Variants in GNA14 observed in about 807,000 individuals in gnomAD.
GNA14 encodes guanine nucleotide-binding protein subunit alpha-14.
Under a neutral mutation model 42.0 loss-of-function variants are expected in GNA14, and 50 were observed. The ratio of observed to expected loss-of-function variants is 1.19; its 90% CI spans 0.95 to 1.51. The LOEUF is 1.51. Ranked by LOEUF, GNA14 falls within the 40% of genes most tolerant of loss-of-function variation. The pLI is 0.00. For missense variants in GNA14, 473 were observed against 446.2 expected (o/e 1.06, Z -0.54); for synonymous variants, 173 against 163.1 (o/e 1.06, Z -0.46).
At chr9:77,518,762 C>A (rs1286171268) in intron 2 of GNA14, among the ~76,000 whole-genome samples, 1 of 152,170 alleles carries the variant, frequency 6.6e-6, no homozygotes, top group Non-Finnish European at 1.5e-5. Flanking sequence ...CACACAGAAG[C>A]AAATAACTTC....
rs976548758 is a variant in GNA14, at chr9:77,542,732, C to T, written c.125-13479G>A. ...GGTGGCTTGTGCAGGTGGGTGCCAG[C>T]TGTGGTGGTATCAGCAGGTTGGGTG... On this transcript the variant is annotated intron_variant, in intron 1 of 6. Transcript: ENST00000341700. Among the ~76,000 whole-genome samples, 3 of 152,214 alleles carry T rather than the reference C, an allele frequency of 2.0e-5. No individual in the cohort carries two copies. The South Asian group carries it at 6.2e-4, about 31-fold the overall frequency.
chr9:77,628,336 C>T (rs1824043422), intron 1 of GNA14, among the ~76,000 whole-genome samples: 1 of 152,158 alleles, frequency 6.6e-6, no homozygotes, highest in African/African-American at 2.4e-5. Context: ...AGATTCAATG[C>T]TATCCCCATC....
At chr9:77,596,013 G>T (rs1028075060) in intron 1 of GNA14, among the ~76,000 whole-genome samples, 2 of 151,970 alleles carry the variant, frequency 1.3e-5, no homozygotes, top group African/African-American at 4.8e-5. Context: ...GAGGGAGCTG[G>T]TATCTCCCCT....
At chr9:77,435,071 A>AC (rs1426208171) in intron 2 of GNA14, among the ~76,000 whole-genome samples, 4 of 150,240 alleles carry the variant, frequency 2.7e-5, no homozygotes, top group Non-Finnish European at 4.4e-5. Flanking sequence ...AAAAAAAAAA[A>AC]ACACTGGCCA....
rs550552417 is a variant in GNA14 at position 77,602,135 on chromosome 9, T to C, written c.124+45535A>G. 8.5e-5 allele frequency among the ~76,000 whole-genome samples: 13 copies of C among 152,348 alleles called. No homozygotes were observed. In the East Asian group the frequency reaches 1.9e-3, roughly 23 times the overall value. The stretch of plus-strand genomic sequence containing the variant: ...TATTTGAAACTGGCCTTTTGCACCA[T>C]GAATGATATTGCCAGAATGAATAAA... On this transcript the variant is annotated intron_variant, in intron 1 of 6. Coordinates refer to ENST00000341700, the MANE Select transcript of GNA14 (RefSeq NM_004297.4).
At chr9:77,602,703 TTTTG>T (rs1044934249) in intron 1 of GNA14, among the ~76,000 whole-genome samples, 2 of 152,102 alleles carry the variant, frequency 1.3e-5, no homozygotes, top group African/African-American at 4.8e-5. Context: ...GTATTAATGG[TTTTG>T]TTTTTTTTTT....
At chr9:77,434,342 G>A (rs371041777) in intron 3 of GNA14, 26 bp downstream of exon 3, 5 of 1,589,748 alleles carry the variant, frequency 3.1e-6, no homozygotes, top group Non-Finnish European at 4.3e-6. Context: ...AGCACCGCGG[G>A]CGGCCAGGGT....
intron 2 of GNA14, among the ~76,000 whole-genome samples, chr9:77,482,384 C>A (rs1282506562): frequency 6.6e-6 from 1 of 152,090 alleles, no homozygotes; most frequent in African/African-American, 2.4e-5. Context: ...AATATTGGTC[C>A]CCACTCTCTT....
chr9:77,635,632 T>G (rs1012174655), intron 1 of GNA14, among the ~76,000 whole-genome samples: 6 of 152,202 alleles, frequency 3.9e-5, no homozygotes, highest in African/African-American at 1.4e-4. Flanking sequence ...TAAATTAACA[T>G]TTTTGAGGGT....
intron 2 of GNA14, among the ~76,000 whole-genome samples, chr9:77,496,718 C>G (rs115675923): frequency 9.5e-4 from 145 of 152,260 alleles, no homozygotes; most frequent in African/African-American, 3.3e-3. Context: ...CATTTGAACT[C>G]GACCTTAGAT....
chr9:77,456,488 G>A (rs553541040), intron 2 of GNA14: 2 of 152,296 alleles, frequency 1.3e-5, no homozygotes, highest in South Asian at 2.1e-4. Flanking sequence ...AGTAGAAAAC[G>A]AAGTTCCAGA....
chr9:77,424,164 T>G lies in GNA14; in HGVS notation c.883A>C (p.Lys295Gln). ...TCTCTGGCAGCTCTGACATCCTGTTTCGGTCCTAGTCACAAGTGCAATTAC... is the reference window on the plus strand; with the variant it reads ...TCTCTGGCAGCTCTGACATCCTGTTGCGGTCCTAGTCACAAGTGCAATTAC... The part of the protein sequence containing the change: ...ISYFPEYTGP[K>Q]QDVRAARDFI... The change falls in exon 7 of 7, where the codon AAA (lysine) becomes CAA (glutamine). Residue 295 changes from lysine (K) to glutamine (Q), a missense_variant. Lys to Gln is a moderately conservative substitution (Grantham distance 53). Coordinates refer to ENST00000341700, the MANE Select transcript of GNA14 (RefSeq NM_004297.4). The G allele has an allele frequency of 6.2e-7, 1 of 1,603,996 alleles. No individual in the cohort carries two copies.
intron 2 of GNA14, among the ~76,000 whole-genome samples, chr9:77,494,771 TTTTTGTTTTG>T (rs143044675): frequency 0.34 from 50,433 of 149,910 alleles, 9,568 homozygotes; most frequent in African/African-American, 0.52. Flanking sequence ...AGTTGTGGGG[TTTTTGTTTTG>T]TTTTGTTTTG....
intron 2 of GNA14, among the ~76,000 whole-genome samples, chr9:77,510,966 G>C (rs2131750058): frequency 6.6e-6 from 1 of 151,900 alleles, no homozygotes; most frequent in Middle Eastern, 3.4e-3. Context: ...AAGTGAGGGA[G>C]GCACCAGTTT....
At chr9:77,476,639 G>C (rs773308556) in intron 2 of GNA14, among the ~76,000 whole-genome samples, 2 of 152,174 alleles carry the variant, frequency 1.3e-5, no homozygotes, top group Non-Finnish European at 2.9e-5. Flanking sequence ...TAAAATGATA[G>C]GATAGTAGTT....
intron 1 of GNA14, among the ~76,000 whole-genome samples, chr9:77,616,755 C>T (rs1283821195): frequency 6.6e-6 from 1 of 152,220 alleles, no homozygotes; most frequent in Non-Finnish European, 1.5e-5. Context: ...CATCCTTATC[C>T]TGAGTCCATG....
chr9:77,484,566 G>T (rs1836622949), intron 2 of GNA14, among the ~76,000 whole-genome samples: 1 of 152,158 alleles, frequency 6.6e-6, no homozygotes, highest in Non-Finnish European at 1.5e-5. Context: ...ACACTTTGTG[G>T]TAGTATGAAT....
At chr9:77,600,600 G>A (rs1823541902) in intron 1 of GNA14, among the ~76,000 whole-genome samples, 1 of 152,296 alleles carries the variant, frequency 6.6e-6, no homozygotes, top group African/African-American at 2.4e-5. Context: ...AGACCAGAGA[G>A]CAAGATGAGG....
At chr9:77,600,287 T>C (rs899004338) in intron 1 of GNA14, among the ~76,000 whole-genome samples, 1 of 152,238 alleles carries the variant, frequency 6.6e-6, no homozygotes, top group Non-Finnish European at 1.5e-5. Context: ...CCAAACCAGC[T>C]ATTTTTAAAG....
Sources: gnomAD v4.1 joint callset for allele counts (sites outside exome capture counted in the v4.1 genomes callset) on GRCh38, gnomAD v4.1.1 for gene constraint, MANE v1.5 for transcripts, NCBI Gene and HGNC (gene_info 2026-07-23, HGNC 2026-07-21) for gene names.